Variants in CLIC5 observed in about 807,000 individuals in gnomAD.
The protein encoded by CLIC5 is chloride intracellular channel protein 5.
A neutral mutation model predicts 24.7 loss-of-function variants in CLIC5; 20 were observed. That is an observed-to-expected ratio of 0.81 (90% confidence interval 0.57 to 1.18). The LOEUF is 1.18. Ranked by LOEUF, CLIC5 falls within the 50% of genes most tolerant of loss-of-function variation. The probability of loss-of-function intolerance (pLI) is 0.00; values close to 1 mark genes in which losing one functional copy is unlikely to be tolerated. For missense variants in CLIC5, 341 were observed against 326.1 expected, an observed-to-expected ratio of 1.05 and a Z score of -0.35; for synonymous variants, 159 against 135.6, an observed-to-expected ratio of 1.17 and a Z score of -1.20.
chr6:45,905,452 C>A (rs1390298019), intron 5 of CLIC5, among the ~76,000 whole-genome samples: 2 of 141,782 alleles, frequency 1.4e-5, no homozygotes, highest in Non-Finnish European at 3.0e-5. Flanking sequence ...TTTTAATTTG[C>A]GTTTCTCTGG....
In CLIC5 at chr6:45,949,374, C is replaced by T; in HGVS notation, c.181G>A (p.Ala61Thr). Reference protein sequence around the residue: ...VTTVDLKRKPADLHNLAPGTH... With the variant: ...VTTVDLKRKPTDLHNLAPGTH... ...CCGGGGGCTAGGTTGTGCAGGTCAG[C>T]TGGCTTTCTGTAGAGAGAGCAAGAT... The change falls in exon 3 of 6, where the codon GCT (alanine) becomes ACT (threonine). Residue 61 changes from alanine to threonine, a missense_variant. Physicochemically the swap from Ala to Thr is moderately conservative, Grantham distance 58. Coordinates refer to ENST00000339561, the MANE Select transcript of CLIC5 (RefSeq NM_016929.5). 6.2e-7 allele frequency: 1 copy of T among 1,613,174 alleles called. No individual in the cohort carries two copies. The highest frequency in any genetic ancestry group is 1.1e-5 in the South Asian group (1 of 90,934).
the CLIC5 span, among the ~76,000 whole-genome samples, chr6:46,087,441 G>A: frequency 3.9e-5 from 6 of 152,084 alleles, no homozygotes; most frequent in Non-Finnish European, 7.4e-5. Context: ...CAAGCTTTGA[G>A]GCAGGGCTTC....
chr6:46,079,184 C>T (rs1658486784), intron 1 of CLIC5, among the ~76,000 whole-genome samples: 2 of 152,278 alleles, frequency 1.3e-5, no homozygotes, highest in Admixed American at 1.3e-4. Flanking sequence ...TAGTGTCTTA[C>T]TACTACTGAA....
chr6:46,092,304 G>A, the CLIC5 span, among the ~76,000 whole-genome samples: 4 of 152,134 alleles, frequency 2.6e-5, no homozygotes, highest in Non-Finnish European at 5.9e-5. Context: ...AAATTCTAAT[G>A]GTGTCTTCTG....
chr6:46,098,414 G>A, the CLIC5 span, among the ~76,000 whole-genome samples: 1 of 152,172 alleles, frequency 6.6e-6, no homozygotes, highest in Non-Finnish European at 1.5e-5. Flanking sequence ...AATGCTACCA[G>A]TTTCCCAAAT....
chr6:45,931,968 A>G (rs1278077905), intron 4 of CLIC5, among the ~76,000 whole-genome samples: 1 of 152,066 alleles, frequency 6.6e-6, no homozygotes, highest in Non-Finnish European at 1.5e-5. Context: ...CCAGTATTTA[A>G]AATAATAGTG....
At chr6:45,975,004 A>C (rs1229306868) in intron 1 of CLIC5, among the ~76,000 whole-genome samples, 1 of 152,230 alleles carries the variant, frequency 6.6e-6, no homozygotes, top group East Asian at 1.9e-4. Context: ...ATTACAGATA[A>C]AGAATTGTAG....
chr6:46,061,038 A>G (rs1313055072), intron 1 of CLIC5, among the ~76,000 whole-genome samples: 1 of 152,222 alleles, frequency 6.6e-6, no homozygotes, highest in Non-Finnish European at 1.5e-5. Context: ...TTGATTTGAC[A>G]TATTAAAGAG....
chr6:45,892,120 G>T (rs1762352988), intron 6 of CLIC5: 3 of 152,268 alleles, frequency 2.0e-5, no homozygotes, highest in Non-Finnish European at 4.4e-5. Flanking sequence ...GAAGACTATT[G>T]TTTGTTGCAG....
chr6:45,937,928 G>A (rs1405330803), intron 4 of CLIC5, among the ~76,000 whole-genome samples: 1 of 152,124 alleles, frequency 6.6e-6, no homozygotes, highest in East Asian at 1.9e-4. Context: ...AACAGTGTTG[G>A]CTTTTCTCAT....
the CLIC5 span, among the ~76,000 whole-genome samples, chr6:46,093,093 C>G: frequency 6.6e-6 from 1 of 152,158 alleles, no homozygotes; most frequent in Admixed American, 6.5e-5. Flanking sequence ...CCATCTACTG[C>G]TCATGACCCA....
intron 1 of CLIC5, among the ~76,000 whole-genome samples, chr6:46,070,696 A>T (rs1762570681): frequency 1.3e-5 from 2 of 152,200 alleles, no homozygotes; most frequent in South Asian, 2.1e-4. Flanking sequence ...TACCAGTGAC[A>T]TTCTACACAG....
intron 1 of CLIC5, among the ~76,000 whole-genome samples, chr6:46,028,985 A>G (rs1401285770): frequency 4.0e-5 from 6 of 151,404 alleles, no homozygotes; most frequent in African/African-American, 7.3e-5. Context: ...CCCCACCCCC[A>G]CTAACCCCTG....
At chr6:46,045,582 A>G (rs959456243) in intron 1 of CLIC5, among the ~76,000 whole-genome samples, 28 of 152,270 alleles carry the variant, frequency 1.8e-4, no homozygotes, top group Admixed American at 1.4e-3. Flanking sequence ...TGTTCATGGA[A>G]GTTTACTTAG....
chr6:45,968,762 C>T (rs975149090), intron 1 of CLIC5, among the ~76,000 whole-genome samples: 1 of 152,196 alleles, frequency 6.6e-6, no homozygotes, highest in African/African-American at 2.4e-5. Flanking sequence ...ATAGTGACAT[C>T]TTCCTATACT....
At chr6:46,116,329 T>A in the CLIC5 span, among the ~76,000 whole-genome samples, 1 of 152,316 alleles carries the variant, frequency 6.6e-6, no homozygotes, top group South Asian at 2.1e-4. Flanking sequence ...TTGGTGAATA[T>A]GGGCTGTCAA....
At chr6:45,927,552 T>TC (rs1327555563) in intron 4 of CLIC5, among the ~76,000 whole-genome samples, 1 of 152,006 alleles carries the variant, frequency 6.6e-6, no homozygotes, top group African/African-American at 2.4e-5. Flanking sequence ...GTATCTTGCC[T>TC]CCCCCCTTCT....
Position 45,991,502 on chromosome 6 carries a change from G to A in CLIC5, c.63+23978C>T, listed in dbSNP as rs138255730. Among the ~76,000 whole-genome samples, 50 of 152,352 alleles carry A rather than the reference G, an allele frequency of 3.3e-4. No homozygotes were observed. In the East Asian group the frequency reaches 6.2e-3, roughly 19 times the overall value. On this transcript the variant is annotated intron_variant, in intron 1 of 5. Coordinates refer to ENST00000339561, the MANE Select transcript of CLIC5 (RefSeq NM_016929.5). Reference sequence around the variant, plus strand: ...TGTAGCCTGTGAGATACAGAGCAGAGGACCCAGCTAAGCCATTGTCAGATT... The same window carrying A: ...TGTAGCCTGTGAGATACAGAGCAGAAGACCCAGCTAAGCCATTGTCAGATT...
At chr6:45,912,738 TC>T in intron 5 of CLIC5, 1 of 1,531,956 alleles carries the variant, frequency 6.5e-7, no homozygotes. Flanking sequence ...TGGTACTTGT[TC>T]CTAAGGAGAA....
Sources: gnomAD v4.1 joint callset for allele counts (sites outside exome capture counted in the v4.1 genomes callset) on GRCh38, gnomAD v4.1.1 for gene constraint, MANE v1.5 for transcripts, NCBI Gene and HGNC (gene_info 2026-07-23, HGNC 2026-07-21) for gene names.